The following ABCA13 variants were observed in gnomAD, a reference collection of about 807,000 sequenced individuals.
ABCA13 encodes ATP binding cassette subfamily A member 13.
A neutral mutation model predicts 478.7 loss-of-function variants in ABCA13; 476 were observed. The observed-to-expected ratio is 0.99, with a 90% CI of 0.92 to 1.07. The LOEUF (loss-of-function observed/expected upper bound fraction) is 1.07, where lower values mean the gene tolerates loss of function less well. Ranked by LOEUF, ABCA13 falls within the 50% of genes least tolerant of loss-of-function variation. ABCA13 has a pLI of 0.00. For missense variants in ABCA13, 6,060 were observed against 5,910.6 expected (o/e 1.03, Z -0.83); for synonymous variants, 2,252 against 2,158.9 (o/e 1.04, Z -1.20).
chr7:48,244,609 G>C lies in ABCA13; in HGVS notation c.1296G>C (p.Leu432=), dbSNP rs1170890265. The C allele has an allele frequency of 5.6e-6, 9 of 1,613,358 alleles. No homozygotes were observed. Among genetic ancestry groups the C allele is most frequent in the Non-Finnish European group, 7.6e-6 (9 of 1,179,678 alleles). ...ATCTGTGGAAATTGCAAAGCTTGCT[G>C]CAAAACCTGCCCCAGTGGCCGGCAC... is the stretch of plus-strand genomic sequence containing the variant. ...LQHLWKLQSL[L]QNLPQWPALK... is the part of the protein sequence containing the mutation. Residue 432 remains leucine (L), a synonymous_variant, in exon 11 of 62, where the codon CTG becomes CTC. Transcript: ENST00000435803.
chr7:48,395,292 G>T (rs1816690234), intron 38 of ABCA13, among the ~76,000 whole-genome samples: 1 of 152,294 alleles, frequency 6.6e-6, no homozygotes, highest in South Asian at 2.1e-4. Context: ...AGAGCTGGGG[G>T]CTCCTGCACT....
At chr7:48,628,880 G>T (rs1030402584) in intron 59 of ABCA13, among the ~76,000 whole-genome samples, 1 of 152,200 alleles carries the variant, frequency 6.6e-6, no homozygotes, top group African/African-American at 2.4e-5. Flanking sequence ...CAACTAGACT[G>T]TAAAAGACGA....
At chr7:48,363,178 T>G (rs1336671009) in intron 31 of ABCA13, among the ~76,000 whole-genome samples, 1 of 152,196 alleles carries the variant, frequency 6.6e-6, no homozygotes. Context: ...TAATATAACC[T>G]GAATTCCTAC....
At chr7:48,433,584 G>C (rs891522494) in intron 42 of ABCA13, among the ~76,000 whole-genome samples, 1 of 151,240 alleles carries the variant, frequency 6.6e-6, no homozygotes, top group African/African-American at 2.4e-5. Context: ...GTGGCATTAC[G>C]CACATTCACA....
chr7:48,304,632 GA>G (rs540641787), intron 23 of ABCA13, among the ~76,000 whole-genome samples: 77 of 152,246 alleles, frequency 5.1e-4, no homozygotes, highest in African/African-American at 1.8e-3. Context: ...GGGAGGATGA[GA>G]GGGGGAAAAA....
At chr7:48,524,467 C>T (rs774229061) in intron 54 of ABCA13, 27 bp downstream of exon 54, 2 of 1,584,820 alleles carry the variant, frequency 1.3e-6, no homozygotes, top group African/African-American at 2.7e-5. Flanking sequence ...TTTTAATCTT[C>T]TTCTGTTGTG....
intron 1 of ABCA13, among the ~76,000 whole-genome samples, chr7:48,181,514 T>C (rs1795692076): frequency 6.6e-6 from 1 of 152,096 alleles, no homozygotes; most frequent in South Asian, 2.1e-4. Context: ...AAATTTACTC[T>C]TTTTTACACT....
chr7:48,534,883 A>G (rs997559374), intron 55 of ABCA13, among the ~76,000 whole-genome samples: 3 of 152,094 alleles, frequency 2.0e-5, no homozygotes, highest in Admixed American at 6.6e-5. Context: ...TATGGTATCT[A>G]TTACACTGGA....
chr7:48,592,711 A>G (rs1371077637), intron 57 of ABCA13, among the ~76,000 whole-genome samples: 2 of 151,502 alleles, frequency 1.3e-5, no homozygotes, highest in African/African-American at 2.4e-5. Flanking sequence ...TATGTCTTTT[A>G]CTCCTTTCAG....
rs773422320 is a variant in ABCA13, at chr7:48,489,318, C to A, written c.13265C>A (p.Pro4422His). ...LNNLILWQHL[P>H]PTVDWRQYGI... Reference sequence around the variant, plus strand: ...AACCTTATTTTGTGGCAGCACCTACCCCCTACTGTGGACTGGAGACAATAC... The same window carrying A: ...AACCTTATTTTGTGGCAGCACCTACACCCTACTGTGGACTGGAGACAATAC... The change falls in exon 48 of 62, where the codon CCC (proline) becomes CAC (histidine). Residue 4422 changes from proline (P) to histidine (H), a missense_variant. Transcript: ENST00000435803. 2 of 1,611,180 alleles carry A rather than the reference C, an allele frequency of 1.2e-6. No individual in the cohort carries two copies. The highest frequency in any genetic ancestry group is 2.2e-5 in the East Asian group (1 of 44,804).
At chr7:48,557,928 C>T (rs1234035982) in intron 55 of ABCA13, among the ~76,000 whole-genome samples, 1 of 152,116 alleles carries the variant, frequency 6.6e-6, no homozygotes, top group Non-Finnish European at 1.5e-5. Context: ...AGGTCAATAA[C>T]TCTTAGATTT....
intron 32 of ABCA13, among the ~76,000 whole-genome samples, chr7:48,370,915 G>A (rs184334164): frequency 5.1e-4 from 78 of 151,714 alleles, no homozygotes; most frequent in African/African-American, 1.8e-3. Flanking sequence ...AAACAAAAAA[G>A]TACATTTAAG....
chr7:48,377,813 G>A (rs2129038204), intron 35 of ABCA13, among the ~76,000 whole-genome samples: 1 of 152,290 alleles, frequency 6.6e-6, no homozygotes, highest in East Asian at 1.9e-4. Flanking sequence ...TGGATGAGAA[G>A]CAATTGACTA....
intron 1 of ABCA13, among the ~76,000 whole-genome samples, chr7:48,190,278 C>G (rs942973147): frequency 2.2e-4 from 33 of 152,094 alleles, no homozygotes; most frequent in African/African-American, 7.7e-4. Context: ...GTAAAAAAAA[C>G]CTCATGAAGT....
chr7:48,393,264 T>C (rs1563178275), intron 38 of ABCA13, among the ~76,000 whole-genome samples: 1 of 152,076 alleles, frequency 6.6e-6, no homozygotes, highest in Non-Finnish European at 1.5e-5. Flanking sequence ...CAGCAAACAG[T>C]GGTAGTTAAG....
At chr7:48,632,109 C>G (rs1270825859) in intron 59 of ABCA13, among the ~76,000 whole-genome samples, 1 of 152,130 alleles carries the variant, frequency 6.6e-6, no homozygotes, top group Non-Finnish European at 1.5e-5. Context: ...ATATCATTGG[C>G]AAACAGAGAT....
intron 54 of ABCA13, among the ~76,000 whole-genome samples, chr7:48,525,711 T>G (rs2131013752): frequency 6.9e-6 from 1 of 144,712 alleles, no homozygotes; most frequent in Admixed American, 7.1e-5. Flanking sequence ...TATCTACATG[T>G]TTATGATGTT....
intron 55 of ABCA13, among the ~76,000 whole-genome samples, chr7:48,538,618 T>G: frequency 6.6e-6 from 1 of 152,316 alleles, no homozygotes; most frequent in East Asian, 1.9e-4. Flanking sequence ...CTTTTTTGTT[T>G]TTAATACAAC....
intron 27 of ABCA13, among the ~76,000 whole-genome samples, chr7:48,333,601 A>G (rs190716186): frequency 6.6e-6 from 1 of 152,284 alleles, no homozygotes; most frequent in East Asian, 1.9e-4. Context: ...TAGTCATTCT[A>G]CTTAGGCTTA....
Sources: allele counts gnomAD v4.1 joint callset (sites outside exome capture counted in the v4.1 genomes callset), GRCh38; gene constraint gnomAD v4.1.1; transcripts MANE v1.5; gene names NCBI Gene and HGNC (gene_info 2026-07-23, HGNC 2026-07-21).